NHSL2: variants seen among roughly 807,000 people sequenced by gnomAD.
NHSL2 encodes the protein NHS-like protein 2.
A neutral mutation model predicts 53.4 loss-of-function variants in NHSL2; 27 were observed. The ratio of observed to expected loss-of-function variants is 0.51; its 90% CI spans 0.37 to 0.70. The LOEUF is 0.70. Ranked by LOEUF, NHSL2 falls within the 30% of genes least tolerant of loss-of-function variation. NHSL2 has a pLI of 0.00. For missense variants in NHSL2, 892 were observed against 980.1 expected, an observed-to-expected ratio of 0.91 and a Z score of 1.20; for synonymous variants, 408 against 404.1, an observed-to-expected ratio of 1.01 and a Z score of -0.12.
At chrX:72,041,453 G>A (rs1397087694) in intron 1 of NHSL2, among the ~76,000 whole-genome samples, 1 of 112,566 alleles carries the variant, frequency 8.9e-6, no homozygotes, top group East Asian at 2.8e-4. Flanking sequence ...AGTTTTACAA[G>A]AGATGCCAGA....
intron 1 of NHSL2, 49 bp downstream of exon 1, chrX:71,911,416 T>C: frequency 1.0e-6 from 1 of 999,988 alleles, no homozygotes; most frequent in Non-Finnish European, 1.3e-6. Flanking sequence ...ACCCCGCCTC[T>C]AGGGGCGCCG....
chrX:72,110,900 G>T (rs1417603588), intron 1 of NHSL2, among the ~76,000 whole-genome samples: 1 of 110,800 alleles, frequency 9.0e-6, no homozygotes, highest in Non-Finnish European at 1.9e-5. Flanking sequence ...AGTGCAGAAG[G>T]TGCTGTCAGG....
chrX:72,075,791 C>G (rs749377880), intron 1 of NHSL2, among the ~76,000 whole-genome samples: 1 of 110,653 alleles, frequency 9.0e-6, no homozygotes, highest in Non-Finnish European at 1.9e-5. Flanking sequence ...GTGAGCTGCT[C>G]TTGTTATTGC....
intron 1 of NHSL2, among the ~76,000 whole-genome samples, chrX:72,034,402 C>A (rs768405903): frequency 9.0e-6 from 1 of 111,169 alleles, no homozygotes; most frequent in South Asian, 3.7e-4. Context: ...TATTTGTATA[C>A]CGTTTTTGTC....
intron 1 of NHSL2, among the ~76,000 whole-genome samples, chrX:72,088,810 G>A (rs985176260): frequency 1.8e-5 from 2 of 111,836 alleles, no homozygotes; most frequent in African/African-American, 3.3e-5. Flanking sequence ...ACCTCAAATC[G>A]CTTTCATTTC....
intron 1 of NHSL2, among the ~76,000 whole-genome samples, chrX:71,912,076 A>G (rs2041606693): frequency 8.9e-6 from 1 of 112,474 alleles, no homozygotes; most frequent in Non-Finnish European, 1.9e-5. Context: ...GGAGAGAATC[A>G]TTTAAAGAAA....
At chrX:72,043,999 A>G (rs1038945909) in intron 1 of NHSL2, among the ~76,000 whole-genome samples, 15 of 112,146 alleles carry the variant, frequency 1.3e-4, no homozygotes, top group African/African-American at 4.2e-4. Flanking sequence ...ACAGAAATAA[A>G]TGAAGCTTGG....
At chrX:72,006,697 T>C (rs1438352805) in intron 1 of NHSL2, among the ~76,000 whole-genome samples, 2 of 112,475 alleles carry the variant, frequency 1.8e-5, no homozygotes, top group African/African-American at 6.5e-5. Context: ...GGACCACAGA[T>C]GTGCCACCAT....
chrX:72,144,603 T>G lies in NHSL2; in HGVS notation c.*1029T>G, dbSNP rs762764320. On this transcript the variant is annotated 3_prime_UTR_variant, in exon 8 of 8. Transcript: ENST00000633930. The stretch of plus-strand genomic sequence containing the variant: ...GGTTTGTGGTTGGTTTGGTTTTGTT[T>G]AAAGGAAGTCCGACTCTGTTCCAAA... 4.3e-6 allele frequency: 4 copies of G among 931,189 alleles called. No individual in the cohort carries two copies. The African/African-American group carries it at 8.1e-5, about 19-fold the overall frequency. 76.7% of individuals were successfully genotyped at this position (931,189 alleles called of 1,213,427 possible). A position where few individuals can be genotyped will look rare whatever the true frequency, so the allele number is the denominator to read the frequency against.
At chrX:71,922,349 G>A (rs1379402108) in intron 1 of NHSL2, among the ~76,000 whole-genome samples, 1 of 111,374 alleles carries the variant, frequency 9.0e-6, no homozygotes, top group Non-Finnish European at 1.9e-5. Flanking sequence ...CCTGTCAGCA[G>A]CCCCCCTGGG....
chrX:72,095,525 G>C (rs2041936938), intron 1 of NHSL2, among the ~76,000 whole-genome samples: 1 of 112,467 alleles, frequency 8.9e-6, no homozygotes, highest in African/African-American at 3.2e-5. Flanking sequence ...TGTAGTTAGA[G>C]TAGTCATCCA....
Position 72,134,170 on chromosome X carries a change from C to A in NHSL2, c.516C>A (p.Thr172=), listed in dbSNP as rs746973250. 8.6e-7 allele frequency: 1 copy of A among 1,167,537 alleles called. No individual in the cohort carries two copies. The highest frequency in any genetic ancestry group is 3.2e-5 in the East Asian group (1 of 30,785). The part of the protein sequence containing the change: ...FRSSDEATKP[T]PNPRPQSARR... ...CTTCTGATGAGGCCACTAAGCCCAC[C>A]CCCAACCCAAGGCCCCAGTCTGCCA... The change falls in exon 3 of 8, where the codon ACC becomes ACA. Residue 172 remains threonine, a synonymous_variant. Coordinates refer to ENST00000633930, the MANE Select transcript of NHSL2 (RefSeq NM_001013627.3).
At chrX:71,940,284 C>T (rs1231790243) in intron 1 of NHSL2, among the ~76,000 whole-genome samples, 2 of 112,134 alleles carry the variant, frequency 1.8e-5, no homozygotes, top group African/African-American at 3.2e-5. Context: ...GAGTTAGCTA[C>T]GAGAAATTGT....
intron 1 of NHSL2, chrX:72,131,229 C>A: frequency 8.3e-7 from 1 of 1,203,178 alleles, no homozygotes; most frequent in Non-Finnish European, 1.1e-6. Flanking sequence ...TCACGTTAAT[C>A]AAAAGATCAT....
chrX:71,996,339 G>A (rs961037527), intron 1 of NHSL2, among the ~76,000 whole-genome samples: 4 of 112,585 alleles, frequency 3.6e-5, no homozygotes, highest in African/African-American at 9.7e-5. Context: ...GTGATGGGGC[G>A]GTGGCTGCCA....
chrX:72,016,264 A>G (rs1197828168), intron 1 of NHSL2, among the ~76,000 whole-genome samples: 1 of 112,088 alleles, frequency 8.9e-6, no homozygotes, highest in Admixed American at 9.4e-5. Flanking sequence ...TTATAAATGC[A>G]GCTTTTATTA....
chrX:72,140,624 G>T lies in NHSL2; in HGVS notation c.3076G>T (p.Val1026Leu), dbSNP rs949248925. The change falls in exon 6 of 8, where the codon GTG becomes TTG. Residue 1026 changes from valine to leucine, a missense_variant. Transcript: ENST00000633930. ...TSPTAQMEAYVAEPRLPLSPI... is the reference protein window; with the variant it reads ...TSPTAQMEAYLAEPRLPLSPI... ...TCCCACAGCTCAAATGGAGGCCTAT[G>T]TGGCAGAACCAAGGCTGCCTCTCAG... The T allele has an allele frequency of 3.3e-6, 4 of 1,212,185 alleles. No individual in the cohort carries two copies. In the African/African-American group the frequency reaches 6.9e-5, roughly 21 times the overall value.
intron 1 of NHSL2, among the ~76,000 whole-genome samples, chrX:72,022,724 T>G (rs1453519361): frequency 8.9e-6 from 1 of 111,904 alleles, no homozygotes; most frequent in Non-Finnish European, 1.9e-5. Context: ...TGACACTTAG[T>G]GTGTCTAGGT....
chrX:72,131,090 G>A (rs751439961), intron 1 of NHSL2: 2 of 1,209,084 alleles, frequency 1.7e-6, no homozygotes, highest in Non-Finnish European at 2.2e-6. Flanking sequence ...TCTATCTCAG[G>A]CCGCTCCAGC....
Sources: gnomAD v4.1 joint callset for allele counts (sites outside exome capture counted in the v4.1 genomes callset) on GRCh38, gnomAD v4.1.1 for gene constraint, MANE v1.5 for transcripts, NCBI Gene and HGNC (gene_info 2026-07-23, HGNC 2026-07-21) for gene names.